LTBP1: variants seen among roughly 807,000 people sequenced by gnomAD.
LTBP1 encodes the protein latent-transforming growth factor beta-binding protein 1.
Under a neutral mutation model 207.6 loss-of-function variants are expected in LTBP1, and 129 were observed. That is an observed-to-expected ratio of 0.62 (90% CI 0.54 to 0.72). The LOEUF (loss-of-function observed/expected upper bound fraction) is 0.72. Among genes scored for constraint, LTBP1 ranks in the 30% least tolerant of loss-of-function variants. The pLI is 0.00. For missense variants in LTBP1, 2,281 were observed against 2,217.2 expected, an observed-to-expected ratio of 1.03 and a Z score of -0.58; for synonymous variants, 963 against 833.7, an observed-to-expected ratio of 1.16 and a Z score of -2.67.
chr2:33,015,493 C>G (rs1688249748), intron 2 of LTBP1, among the ~76,000 whole-genome samples: 1 of 152,162 alleles, frequency 6.6e-6, no homozygotes, highest in African/African-American at 2.4e-5. Context: ...ACAGAAAGTT[C>G]TGCATAAGTC....
chr2:33,335,110 C>A (rs1196522067), intron 24 of LTBP1, among the ~76,000 whole-genome samples: 1 of 150,762 alleles, frequency 6.6e-6, no homozygotes, highest in East Asian at 2.0e-4. Context: ...AGAGTGAGAC[C>A]CTGTCTCTAA....
At chr2:33,184,109 T>C (rs1384672000) in intron 5 of LTBP1, among the ~76,000 whole-genome samples, 1 of 152,126 alleles carries the variant, frequency 6.6e-6, no homozygotes, top group Non-Finnish European at 1.5e-5. Context: ...TCATCCTAAT[T>C]ATATGTTTTT....
chr2:33,300,129 C>A (rs1474091317), intron 20 of LTBP1, among the ~76,000 whole-genome samples: 5 of 152,186 alleles, frequency 3.3e-5, no homozygotes, highest in Admixed American at 2.6e-4. Context: ...ATCTGAGCGA[C>A]ATTATATTGC....
intron 3 of LTBP1, among the ~76,000 whole-genome samples, chr2:33,082,627 A>G (rs996534927): frequency 3.3e-5 from 5 of 151,944 alleles, no homozygotes; most frequent in East Asian, 3.9e-4. Context: ...GGGTTTCACC[A>G]CGTTAGCCAG....
chr2:33,127,118 C>T (rs2081478109), intron 4 of LTBP1, among the ~76,000 whole-genome samples: 1 of 152,172 alleles, frequency 6.6e-6, no homozygotes, highest in Admixed American at 6.5e-5. Flanking sequence ...GAATTGGAAT[C>T]CCTTAGAGGC....
chr2:32,962,178 G>A (rs1254229865), intron 2 of LTBP1, among the ~76,000 whole-genome samples: 2 of 146,562 alleles, frequency 1.4e-5, no homozygotes, highest in African/African-American at 2.8e-5. Flanking sequence ...TACCAACAAT[G>A]TCTCTGGTAC....
chr2:33,083,531 G>C (rs542949925), intron 3 of LTBP1, among the ~76,000 whole-genome samples: 1 of 152,088 alleles, frequency 6.6e-6, no homozygotes, highest in East Asian at 1.9e-4. Flanking sequence ...AACAGGAGAG[G>C]GGGGAATCTG....
chr2:33,019,721 T>C (rs2149207058), intron 2 of LTBP1, among the ~76,000 whole-genome samples: 1 of 152,178 alleles, frequency 6.6e-6, no homozygotes, highest in Middle Eastern at 3.4e-3. Context: ...ACTTCTCTTT[T>C]TAAATTTTTA....
chr2:33,271,816 A>C (rs2093328312), intron 15 of LTBP1, among the ~76,000 whole-genome samples: 1 of 151,996 alleles, frequency 6.6e-6, no homozygotes, highest in Non-Finnish European at 1.5e-5. Context: ...CTTGTTAATG[A>C]TTATATGCTG....
chr2:33,185,667 A>G (rs1329839107), intron 5 of LTBP1, among the ~76,000 whole-genome samples: 2 of 152,176 alleles, frequency 1.3e-5, no homozygotes, highest in Non-Finnish European at 2.9e-5. Flanking sequence ...GTGTCATGGA[A>G]ACCAAGGGAA....
intron 2 of LTBP1, among the ~76,000 whole-genome samples, chr2:32,956,690 C>A (rs1225426112): frequency 1.3e-5 from 2 of 152,198 alleles, no homozygotes; most frequent in Non-Finnish European, 2.9e-5. Context: ...CATGAATGTT[C>A]TTAATGGCAT....
chr2:33,311,175 T>A (rs1461366005), intron 23 of LTBP1, among the ~76,000 whole-genome samples: 3 of 152,156 alleles, frequency 2.0e-5, no homozygotes, highest in Non-Finnish European at 4.4e-5. Flanking sequence ...CACCCAGCCA[T>A]GTGTCAGAGA....
intron 33 of LTBP1, 147 bp from the exon 34 acceptor site, chr2:33,398,217 G>T: frequency 1.6e-6 from 1 of 630,456 alleles, no homozygotes. Flanking sequence ...TCTCAAAAAA[G>T]TCATCTTCGT....
At chr2:33,034,654 T>C (rs1426977768) in intron 3 of LTBP1, among the ~76,000 whole-genome samples, 2 of 152,136 alleles carry the variant, frequency 1.3e-5, no homozygotes, top group African/African-American at 2.4e-5. Context: ...TTATATACAG[T>C]ACACAACATA....
intron 7 of LTBP1, among the ~76,000 whole-genome samples, chr2:33,207,174 T>C (rs79925564): frequency 0.015 from 2,261 of 152,298 alleles, 23 homozygotes; most frequent in East Asian, 0.027. Flanking sequence ...TCAAGTAGAA[T>C]CATAAGTTTC....
chr2:33,308,544 A>G (rs2094133824), intron 22 of LTBP1, among the ~76,000 whole-genome samples: 1 of 152,158 alleles, frequency 6.6e-6, no homozygotes, highest in African/African-American at 2.4e-5. Flanking sequence ...TCTGTTACAC[A>G]AAAGTTTTAT....
At position 33,341,804 on chromosome 2, in the gene LTBP1, C is replaced by T. The variant is rs2094629085; in HGVS notation, c.3731-1034C>T. On this transcript the variant is annotated intron_variant, in intron 24 of 33. Transcript: ENST00000404816. ...ATGCTCAATTTTATTAATAGTAACTCTCCCCAAACTAAACTCTGTCAAGTG... is the reference window on the plus strand; with the variant it reads ...ATGCTCAATTTTATTAATAGTAACTTTCCCCAAACTAAACTCTGTCAAGTG... 2.0e-5 allele frequency among the ~76,000 whole-genome samples: 3 copies of T among 149,914 alleles called. No individual in the cohort carries two copies. In the South Asian group the frequency reaches 6.3e-4, roughly 31 times the overall value.
chr2:33,309,677 T>C, intron 23 of LTBP1, 121 bp downstream of exon 23: 1 of 1,205,068 alleles, frequency 8.3e-7, no homozygotes, highest in Non-Finnish European at 1.2e-6. Context: ...ATGTCAATTT[T>C]TGATATTAAA....
intron 3 of LTBP1, among the ~76,000 whole-genome samples, 167 bp from the exon 4 acceptor site, chr2:33,110,415 C>T (rs918529625): frequency 6.6e-6 from 1 of 152,170 alleles, no homozygotes; most frequent in African/African-American, 2.4e-5. Flanking sequence ...TCATTTACCT[C>T]CTTCTATGTC....
Sources: gnomAD v4.1 joint callset for allele counts (sites outside exome capture counted in the v4.1 genomes callset) on GRCh38, gnomAD v4.1.1 for gene constraint, MANE v1.5 for transcripts, NCBI Gene and HGNC (gene_info 2026-07-23, HGNC 2026-07-21) for gene names.